Variants in ZC3H12B observed in about 807,000 individuals in gnomAD.
The protein encoded by ZC3H12B is probable ribonuclease ZC3H12B.
Under a neutral mutation model 43.9 loss-of-function variants are expected in ZC3H12B, and 7 were observed. That is an observed-to-expected ratio of 0.16 (90% confidence interval 0.09 to 0.30). ZC3H12B has a LOEUF of 0.30. Ranked by LOEUF, ZC3H12B falls within the 10% of genes least tolerant of loss-of-function variation. ZC3H12B has a pLI of 1.00. For missense variants in ZC3H12B, 475 were observed against 670.2 expected (o/e 0.71, Z 3.22); for synonymous variants, 222 against 241.7 (o/e 0.92, Z 0.76).
At chrX:65,241,246 C>G in the ZC3H12B span, among the ~76,000 whole-genome samples, 1 of 112,586 alleles carries the variant, frequency 8.9e-6, no homozygotes, top group African/African-American at 3.2e-5. Flanking sequence ...ATAACCCTGG[C>G]TGGAGTTGCT....
At chrX:65,061,407 A>G in the ZC3H12B span, among the ~76,000 whole-genome samples, 2 of 112,225 alleles carry the variant, frequency 1.8e-5, no homozygotes, top group African/African-American at 6.5e-5. Context: ...ATGAGTGAGA[A>G]CATGCGGTGT....
At chrX:65,087,723 G>A in the ZC3H12B span, among the ~76,000 whole-genome samples, 1 of 111,978 alleles carries the variant, frequency 8.9e-6, no homozygotes, top group Admixed American at 9.5e-5. Flanking sequence ...AGCTAAGGTG[G>A]AGGAAGATTA....
At chrX:65,430,548 G>A (rs2067146048) in intron 3 of ZC3H12B, among the ~76,000 whole-genome samples, 2 of 86,111 alleles carry the variant, frequency 2.3e-5, no homozygotes, top group Admixed American at 3.1e-4. Flanking sequence ...CTGTGTCCAA[G>A]TGTTCTCATT....
At chrX:65,475,258 T>C (rs1332161296) in intron 3 of ZC3H12B, among the ~76,000 whole-genome samples, 1 of 111,996 alleles carries the variant, frequency 8.9e-6, no homozygotes, top group Non-Finnish European at 1.9e-5. Context: ...TATCTCTATT[T>C]TATGCTTTCA....
chrX:65,497,141 TAAA>T (rs2068299693), exon 2 of ZC3H12B: 1 of 1,205,061 alleles, frequency 8.3e-7, no homozygotes, highest in Non-Finnish European at 1.1e-6. Context: ...GCCATGGGAA[TAAA>T]GAAGAATTCT....
At chrX:65,080,562 G>A in the ZC3H12B span, among the ~76,000 whole-genome samples, 1 of 111,057 alleles carries the variant, frequency 9.0e-6, no homozygotes, top group Non-Finnish European at 1.9e-5. Flanking sequence ...TACAGGCCAG[G>A]AGAGAGGGCA....
At chrX:65,070,556 T>C in the ZC3H12B span, among the ~76,000 whole-genome samples, 1 of 111,168 alleles carries the variant, frequency 9.0e-6, no homozygotes, top group Non-Finnish European at 1.9e-5. Flanking sequence ...TTTTAACTTT[T>C]TGATGTGGTG....
intron 2 of ZC3H12B, among the ~76,000 whole-genome samples, chrX:65,394,220 C>A (rs1353254929): frequency 8.9e-6 from 1 of 112,232 alleles, no homozygotes; most frequent in Admixed American, 9.4e-5. Context: ...TCCCATTTGA[C>A]AATTTTGGCT....
At chrX:65,181,640 CAT>C in the ZC3H12B span, among the ~76,000 whole-genome samples, 1 of 112,102 alleles carries the variant, frequency 8.9e-6, no homozygotes, top group Non-Finnish European at 1.9e-5. Context: ...TGCCAACAAA[CAT>C]ATGAAAAAAA....
chrX:65,497,241 G>A (rs770070765), exon 2 of ZC3H12B: 2 of 1,211,072 alleles, frequency 1.7e-6, no homozygotes, highest in East Asian at 3.0e-5. Context: ...ATGGAGAAAG[G>A]AGCAATCCCG....
At chrX:65,211,693 TTATATAA>T in the ZC3H12B span, among the ~76,000 whole-genome samples, 6 of 89,733 alleles carry the variant, frequency 6.7e-5, no homozygotes, top group East Asian at 9.9e-4. Flanking sequence ...ATATATAATA[TTATATAA>T]TATATAATAT....
chrX:65,446,657 A>C (rs1341769100), intron 3 of ZC3H12B, among the ~76,000 whole-genome samples: 1 of 111,892 alleles, frequency 8.9e-6, no homozygotes, highest in African/African-American at 3.3e-5. Context: ...ATACAGTTGC[A>C]TAATCACTGT....
chrX:65,343,171 T>C, the ZC3H12B span, among the ~76,000 whole-genome samples: 1 of 111,269 alleles, frequency 9.0e-6, no homozygotes, highest in East Asian at 2.8e-4. Flanking sequence ...GGTTCAGTAA[T>C]AAATGGCCTA....
intron 3 of ZC3H12B, among the ~76,000 whole-genome samples, chrX:65,423,608 G>C (rs1039386951): frequency 8.9e-6 from 1 of 112,465 alleles, no homozygotes; most frequent in Non-Finnish European, 1.9e-5. Context: ...CTAATGACCA[G>C]TGATAATGAG....
chrX:65,304,667 C>T, the ZC3H12B span, among the ~76,000 whole-genome samples: 1 of 108,057 alleles, frequency 9.3e-6, no homozygotes, highest in Non-Finnish European at 1.9e-5. Flanking sequence ...TCACAGTGTA[C>T]AATAATTAAA....
the ZC3H12B span, among the ~76,000 whole-genome samples, chrX:65,168,433 T>A: frequency 9.0e-6 from 1 of 111,566 alleles, no homozygotes; most frequent in Non-Finnish European, 1.9e-5. Flanking sequence ...CTGGACTCAG[T>A]TTGCCAGTAT....
the ZC3H12B span, among the ~76,000 whole-genome samples, chrX:65,277,773 A>C: frequency 8.9e-6 from 1 of 111,897 alleles, no homozygotes; most frequent in African/African-American, 3.2e-5. Flanking sequence ...GAAAGATTAC[A>C]AATGAACCAT....
At chrX:65,317,843 C>T in the ZC3H12B span, among the ~76,000 whole-genome samples, 43 of 99,738 alleles carry the variant, frequency 4.3e-4, no homozygotes, top group African/African-American at 1.4e-3. Context: ...TATATATACA[C>T]GCACACACTA....
chrX:65,275,068 C>T, the ZC3H12B span, among the ~76,000 whole-genome samples: 2 of 112,475 alleles, frequency 1.8e-5, no homozygotes, highest in Admixed American at 1.9e-4. Flanking sequence ...TCAGATTACT[C>T]AGGCAGCTCT....
Sources: gnomAD v4.1 joint callset for allele counts (sites outside exome capture counted in the v4.1 genomes callset) on GRCh38, gnomAD v4.1.1 for gene constraint, MANE v1.5 for transcripts, NCBI Gene and HGNC (gene_info 2026-07-23, HGNC 2026-07-21) for gene names.